Variants in RCL1 observed in about 807,000 individuals in gnomAD.
RCL1 encodes the protein RNA 3'-terminal phosphate cyclase-like protein.
In RCL1, 24 loss-of-function variants were observed where a neutral mutation model predicts 42.4. The ratio of observed to expected loss-of-function variants is 0.57; its 90% confidence interval spans 0.41 to 0.80. The LOEUF (loss-of-function observed/expected upper bound fraction) is 0.80, where lower values mean the gene tolerates loss of function less well. Among genes scored for constraint, RCL1 ranks in the 30% least tolerant of loss-of-function variants. The probability of loss-of-function intolerance (pLI) is 0.00; values close to 1 mark genes in which losing one functional copy is unlikely to be tolerated. For missense variants in RCL1, 578 were observed against 467.9 expected (o/e 1.24, Z -2.17); for synonymous variants, 228 against 177.3 (o/e 1.29, Z -2.27).
intron 1 of RCL1, among the ~76,000 whole-genome samples, chr9:4,818,966 A>G (rs1034239299): frequency 6.6e-6 from 1 of 152,026 alleles, no homozygotes; most frequent in Non-Finnish European, 1.5e-5. Flanking sequence ...TTTTAAAAGC[A>G]TTTCTTAGGG....
intron 8 of RCL1, 56 bp downstream of exon 8, chr9:4,849,606 C>A: frequency 1.6e-6 from 2 of 1,286,556 alleles, no homozygotes; most frequent in African/African-American, 1.5e-5. Flanking sequence ...TCTCATTGCC[C>A]AAAATGACAA....
At chr9:4,830,836 A>G (rs1816919200) in intron 3 of RCL1, among the ~76,000 whole-genome samples, 2 of 151,870 alleles carry the variant, frequency 1.3e-5, no homozygotes, top group East Asian at 1.9e-4. Flanking sequence ...TTACCTTTTG[A>G]TTGATTGACT....
intron 8 of RCL1, among the ~76,000 whole-genome samples, chr9:4,856,906 C>T (rs1817980667): frequency 6.6e-6 from 1 of 152,176 alleles, no homozygotes; most frequent in Non-Finnish European, 1.5e-5. Context: ...CCCTTTTCTC[C>T]ATGTAGCTGT....
At chr9:4,842,609 C>G (rs1817370103) in intron 6 of RCL1, among the ~76,000 whole-genome samples, 1 of 152,116 alleles carries the variant, frequency 6.6e-6, no homozygotes, top group Non-Finnish European at 1.5e-5. Flanking sequence ...GGTGATGATG[C>G]CTATGTTTTG....
intron 3 of RCL1, among the ~76,000 whole-genome samples, chr9:4,828,551 T>TC (rs1816845551): frequency 6.6e-6 from 1 of 151,750 alleles, no homozygotes; most frequent in Admixed American, 6.6e-5. Flanking sequence ...TAAGTGTTTT[T>TC]TTTTTTTTGC....
chr9:4,849,390 T>C, intron 7 of RCL1, 57 bp from the exon 8 acceptor site: 1 of 1,341,018 alleles, frequency 7.5e-7, no homozygotes, highest in Non-Finnish European at 1.1e-6. Flanking sequence ...TTTTTCCTCC[T>C]CTCTTTTGTT....
chr9:4,829,944 T>C (rs1378000569), intron 3 of RCL1, among the ~76,000 whole-genome samples: 1 of 152,232 alleles, frequency 6.6e-6, no homozygotes, highest in Non-Finnish European at 1.5e-5. Context: ...CTCTCTGCCC[T>C]CTGTGGGCAT....
rs1468918540 is a variant in RCL1 at position 4,849,636 on chromosome 9, A to G, written c.971+86A>G. 3 of 935,350 alleles carry G rather than the reference A, an allele frequency of 3.2e-6. No homozygotes were observed. The African/African-American group carries it at 4.9e-5, about 15-fold the overall frequency. The allele number at this position is 935,350 out of a possible 1,614,324, so 57.9% of individuals were successfully genotyped here. ...TGACAAAGGGTGTTGTGCTGCACAG[A>G]GCCTGCACTATGAACACCTGCTTGT... On this transcript the variant is annotated intron_variant, in intron 8 of 8. Transcript: ENST00000381750.
chr9:4,857,931 C>CT lies in RCL1; in HGVS notation c.972-2175dup, dbSNP rs34470773. ...AGGAAATATCCGTTTAGCTCTCCCA[C>CT]TTTTTTTTTTTTTTTTTTTCAGTGA... is the stretch of plus-strand genomic sequence containing the variant. On this transcript the variant is annotated intron_variant, in intron 8 of 8. Coordinates refer to ENST00000381750, the MANE Select transcript of RCL1 (RefSeq NM_005772.5). 5.3e-4 allele frequency among the ~76,000 whole-genome samples: 55 copies of CT among 103,032 alleles called. 2 individuals carry two copies. The highest frequency in any genetic ancestry group is 1.3e-3 in the African/African-American group (33 of 25,654). 67.6% of individuals were successfully genotyped at this position (103,032 alleles called of 152,430 possible).
intron 8 of RCL1, among the ~76,000 whole-genome samples, chr9:4,857,303 C>T (rs550576188): frequency 6.6e-6 from 1 of 152,300 alleles, no homozygotes; most frequent in Admixed American, 6.5e-5. Context: ...TCCTTTCTGC[C>T]TCTGTGATAG....
chr9:4,832,082 C>T (rs1474722568), intron 3 of RCL1, among the ~76,000 whole-genome samples: 1 of 152,172 alleles, frequency 6.6e-6, no homozygotes, highest in Admixed American at 6.5e-5. Context: ...GTTGAGGCAA[C>T]ATTTGCCAAC....
intron 7 of RCL1, 76 bp from the exon 8 acceptor site, chr9:4,849,371 C>T (rs1046424567): frequency 1.8e-6 from 2 of 1,082,850 alleles, no homozygotes; most frequent in South Asian, 1.4e-5. Context: ...GTGTATGTTT[C>T]TGGTTTTTTT....
chr9:4,821,235 C>T (rs1816587193), intron 1 of RCL1, among the ~76,000 whole-genome samples: 1 of 152,014 alleles, frequency 6.6e-6, no homozygotes, highest in Non-Finnish European at 1.5e-5. Context: ...CTAACCTGGG[C>T]AACATAGTGA....
chr9:4,798,468 G>T (rs1183921396), intron 1 of RCL1, among the ~76,000 whole-genome samples: 2 of 152,216 alleles, frequency 1.3e-5, no homozygotes, highest in Non-Finnish European at 2.9e-5. Flanking sequence ...GGAGTTACTT[G>T]GTCCCATGGG....
chr9:4,805,354 A>G (rs1815886078), intron 1 of RCL1, among the ~76,000 whole-genome samples: 1 of 152,002 alleles, frequency 6.6e-6, no homozygotes, highest in South Asian at 2.1e-4. Flanking sequence ...ATGCTTCTGC[A>G]TTCTAGCCTG....
At chr9:4,807,751 T>A (rs1481088788) in intron 1 of RCL1, among the ~76,000 whole-genome samples, 3 of 152,192 alleles carry the variant, frequency 2.0e-5, no homozygotes, top group Non-Finnish European at 4.4e-5. Context: ...ACTCCTGACC[T>A]CAGGTGATCC....
intron 8 of RCL1, among the ~76,000 whole-genome samples, chr9:4,853,188 TC>T (rs1817812526): frequency 6.6e-6 from 1 of 151,978 alleles, no homozygotes; most frequent in Non-Finnish European, 1.5e-5. Flanking sequence ...GCAAGTACTA[TC>T]ATGTGCACCG....
intron 7 of RCL1, among the ~76,000 whole-genome samples, chr9:4,848,228 C>A (rs897694443): frequency 3.9e-5 from 6 of 152,220 alleles, no homozygotes; most frequent in African/African-American, 1.4e-4. Context: ...AGGAACTCTC[C>A]TTGTCCTAGA....
At chr9:4,793,494 C>T (rs547297328) in intron 1 of RCL1, among the ~76,000 whole-genome samples, 5 of 152,378 alleles carry the variant, frequency 3.3e-5, no homozygotes, top group Admixed American at 2.6e-4. Flanking sequence ...TCCAGCTTTA[C>T]GTGTAGCAAC....
Sources: allele counts gnomAD v4.1 joint callset (sites outside exome capture counted in the v4.1 genomes callset), GRCh38; gene constraint gnomAD v4.1.1; transcripts MANE v1.5; gene names NCBI Gene and HGNC (gene_info 2026-07-23, HGNC 2026-07-21).